FRMD5: variants seen among roughly 807,000 people sequenced by gnomAD.
FRMD5 encodes FERM domain-containing protein 5.
In FRMD5, 20 loss-of-function variants were observed where a neutral mutation model predicts 69.0. The observed-to-expected ratio is 0.29, with a 90% confidence interval of 0.20 to 0.42. The LOEUF (loss-of-function observed/expected upper bound fraction) is 0.42. FRMD5 is among the 10% of genes least tolerant of loss of function. The probability of loss-of-function intolerance (pLI) is 1.00; values close to 1 mark genes in which losing one functional copy is unlikely to be tolerated. For synonymous variants in FRMD5, 271 were observed against 260.1 expected (o/e 1.04, Z -0.40); for missense variants, 595 against 708.6 (o/e 0.84, Z 1.82).
At position 43,908,787 on chromosome 15, in the gene FRMD5, T is replaced by G. The variant is rs896543522; in HGVS notation, c.427+1095A>C. Among the ~76,000 whole-genome samples the G allele has an allele frequency of 2.0e-5, 3 of 152,290 alleles. No homozygotes were observed. The East Asian group carries it at 5.8e-4, about 29-fold the overall frequency. On this transcript the variant is annotated intron_variant, in intron 5 of 13. Transcript: ENST00000417257. ...GGGCCTCAGCTGGGTAAGCCTCAACTCTTACTTATTAGCCTGTTAGGAAAT... is the reference window on the plus strand; with the variant it reads ...GGGCCTCAGCTGGGTAAGCCTCAACGCTTACTTATTAGCCTGTTAGGAAAT...
At chr15:43,978,437 G>A (rs2090498066) in intron 1 of FRMD5, among the ~76,000 whole-genome samples, 1 of 152,184 alleles carries the variant, frequency 6.6e-6, no homozygotes, top group African/African-American at 2.4e-5. Flanking sequence ...AGAAGGGACT[G>A]CGATTGAGTT....
At chr15:43,956,307 C>A (rs552522619) in intron 1 of FRMD5, among the ~76,000 whole-genome samples, 1 of 152,140 alleles carries the variant, frequency 6.6e-6, no homozygotes, top group African/African-American at 2.4e-5. Context: ...CCAGACACAG[C>A]TTTTTTTCCC....
intron 1 of FRMD5, among the ~76,000 whole-genome samples, chr15:43,952,895 G>A (rs2090058855): frequency 6.6e-6 from 1 of 152,178 alleles, no homozygotes; most frequent in South Asian, 2.1e-4. Context: ...GCAGAAAGCA[G>A]AATTGAGAAA....
In FRMD5 at chr15:43,873,196, T is replaced by C; in HGVS notation, c.*689A>G. ...CCCACCCCTGATGCTGCTGTTGCTG[T>C]AGCGGTGGTCCCTTCAGATGCCCAC... On this transcript the variant is annotated 3_prime_UTR_variant, in exon 14 of 14. Transcript: ENST00000417257. 6.4e-7 allele frequency: 1 copy of C among 1,550,576 alleles called. No individual in the cohort carries two copies. The highest frequency in any genetic ancestry group is 2.4e-5 in the East Asian group (1 of 40,928).
intron 1 of FRMD5, among the ~76,000 whole-genome samples, chr15:43,931,980 G>A (rs565662309): frequency 4.9e-4 from 74 of 152,282 alleles, no homozygotes; most frequent in Non-Finnish European, 8.5e-4. Flanking sequence ...TCAAGGCCCT[G>A]GTCTGCCACT....
At chr15:44,160,865 A>G (rs1314914073) in intron 1 of FRMD5, among the ~76,000 whole-genome samples, 1 of 152,210 alleles carries the variant, frequency 6.6e-6, no homozygotes, top group African/African-American at 2.4e-5. Flanking sequence ...CTATATAACC[A>G]GCTAAAAGAA....
At chr15:44,096,620 C>A (rs2076557584) in intron 1 of FRMD5, among the ~76,000 whole-genome samples, 1 of 152,070 alleles carries the variant, frequency 6.6e-6, no homozygotes, top group Non-Finnish European at 1.5e-5. Context: ...CCAGGCTGGT[C>A]TTTTACTCCT....
chr15:44,135,591 G>T (rs758019506), intron 1 of FRMD5, among the ~76,000 whole-genome samples: 1 of 152,082 alleles, frequency 6.6e-6, no homozygotes, highest in Non-Finnish European at 1.5e-5. Flanking sequence ...ACTTTGGGAG[G>T]CCAAGGCAGT....
At chr15:44,154,063 C>G (rs1396501430) in intron 1 of FRMD5, among the ~76,000 whole-genome samples, 1 of 152,134 alleles carries the variant, frequency 6.6e-6, no homozygotes, top group Non-Finnish European at 1.5e-5. Flanking sequence ...GGCTCACACC[C>G]GTAGTCCTAG....
intron 1 of FRMD5, among the ~76,000 whole-genome samples, chr15:44,188,355 T>C (rs2140597915): frequency 6.6e-6 from 1 of 152,274 alleles, no homozygotes; most frequent in Non-Finnish European, 1.5e-5. Context: ...AAATCAAAAG[T>C]TAGAAATGTG....
chr15:44,004,357 T>A (rs1336730545), intron 1 of FRMD5, among the ~76,000 whole-genome samples: 1 of 147,876 alleles, frequency 6.8e-6, no homozygotes, highest in African/African-American at 2.5e-5. Flanking sequence ...ATACTATGTT[T>A]TTGTTTTTGT....
At chr15:44,183,015 G>T (rs1485440407) in intron 1 of FRMD5, among the ~76,000 whole-genome samples, 3 of 151,036 alleles carry the variant, frequency 2.0e-5, no homozygotes, top group Non-Finnish European at 4.4e-5. Flanking sequence ...AGCCAGGATG[G>T]TCTCGATCTC....
chr15:44,055,682 G>A (rs1417279147), intron 1 of FRMD5, among the ~76,000 whole-genome samples: 6 of 152,182 alleles, frequency 3.9e-5, no homozygotes, highest in African/African-American at 1.4e-4. Flanking sequence ...AAGTAGCTGT[G>A]GTGCTCTGTG....
At chr15:44,041,914 A>G (rs1048691888) in intron 1 of FRMD5, among the ~76,000 whole-genome samples, 2 of 152,192 alleles carry the variant, frequency 1.3e-5, no homozygotes, top group African/African-American at 4.8e-5. Flanking sequence ...AGCAGAAGAC[A>G]AGAAATAACT....
chr15:44,025,458 G>C (rs1177623417), intron 1 of FRMD5, among the ~76,000 whole-genome samples: 3 of 152,048 alleles, frequency 2.0e-5, no homozygotes, highest in Non-Finnish European at 2.9e-5. Context: ...ACAAATATAT[G>C]TAATTATATG....
At chr15:43,877,616 C>T (rs557323009) in intron 13 of FRMD5, among the ~76,000 whole-genome samples, 21 of 152,360 alleles carry the variant, frequency 1.4e-4, no homozygotes, top group African/African-American at 3.8e-4. Flanking sequence ...CATCTAGTTA[C>T]GCTCCCCATT....
intron 6 of FRMD5, among the ~76,000 whole-genome samples, chr15:43,904,250 G>A (rs1231081212): frequency 6.6e-6 from 1 of 152,228 alleles, no homozygotes; most frequent in African/African-American, 2.4e-5. Context: ...ATTAGCATTA[G>A]AAATATCCAG....
intron 1 of FRMD5, among the ~76,000 whole-genome samples, chr15:44,147,647 G>C (rs935797043): frequency 6.6e-6 from 1 of 152,080 alleles, no homozygotes; most frequent in Non-Finnish European, 1.5e-5. Context: ...TAAGGATTTT[G>C]GTAAGATGGC....
At chr15:44,170,582 C>A (rs2077784769) in intron 1 of FRMD5, among the ~76,000 whole-genome samples, 1 of 151,816 alleles carries the variant, frequency 6.6e-6, no homozygotes, top group African/African-American at 2.4e-5. Context: ...GGAAAGAAAT[C>A]CCCGTTTCCC....
Sources: allele counts gnomAD v4.1 joint callset (sites outside exome capture counted in the v4.1 genomes callset), GRCh38; gene constraint gnomAD v4.1.1; transcripts MANE v1.5; gene names NCBI Gene and HGNC (gene_info 2026-07-23, HGNC 2026-07-21).